HAUS7: variants seen among roughly 807,000 people sequenced by gnomAD.
The protein encoded by HAUS7 is HAUS augmin-like complex subunit 7.
HAUS7 carries 3 observed loss-of-function variants against 28.4 expected under a neutral mutation model. The ratio of observed to expected loss-of-function variants is 0.11; its 90% CI spans 0.05 to 0.27. The LOEUF is 0.27. HAUS7 is among the 10% of genes least tolerant of loss of function. The pLI is 1.00. For missense variants in HAUS7, 284 were observed against 297.3 expected, an observed-to-expected ratio of 0.96 and a Z score of 0.33; for synonymous variants, 165 against 132.1, an observed-to-expected ratio of 1.25 and a Z score of -1.71.
upstream of HAUS7, among the ~76,000 whole-genome samples, chrX:153,475,131 G>C (rs1291497978): frequency 1.8e-5 from 2 of 112,955 alleles, no homozygotes; most frequent in Non-Finnish European, 3.8e-5. Context: ...AGGGGATGGG[G>C]CGGGGCCGCT....
chrX:153,456,691 G>C lies in HAUS7; in HGVS notation c.447-40C>G, dbSNP rs200811857. On this transcript the variant is annotated intron_variant, in intron 5 of 9. Transcript: ENST00000370211. ...CCCAGGGCCACACCGTCACAGGCCA[G>C]AGCACTCGCCCAGCAGGCCCTCAGC... The C allele has an allele frequency of 1.1e-4, 124 of 1,085,786 alleles. No homozygotes were observed. In the East Asian group the frequency reaches 3.9e-3, roughly 34 times the overall value. The allele number at this position is 1,085,786 out of a possible 1,213,427, so 89.5% of individuals were successfully genotyped here. A position where few individuals can be genotyped will look rare whatever the true frequency, so the allele number is the denominator to read the frequency against.
At chrX:153,452,274 C>T (rs781834525) in intron 9 of HAUS7, among the ~76,000 whole-genome samples, 24 of 112,050 alleles carry the variant, frequency 2.1e-4, no homozygotes, top group African/African-American at 7.5e-4. Context: ...AAGGGTAGGC[C>T]TCCGGGATGG....
At chrX:153,466,760 T>C (rs141283982) in intron 2 of HAUS7, among the ~76,000 whole-genome samples, 1,346 of 112,321 alleles carry the variant, frequency 0.012, 9 homozygotes, top group Non-Finnish European at 0.021. Flanking sequence ...ACAGAAGTAC[T>C]ACAGGTTGAA....
chrX:153,459,318 C>T (rs1442962600), intron 4 of HAUS7, among the ~76,000 whole-genome samples: 1 of 112,355 alleles, frequency 8.9e-6, no homozygotes, highest in Non-Finnish European at 1.9e-5. Context: ...TGATTTACAA[C>T]TATTTACCGC....
chrX:153,484,809 G>A lies in HAUS7; in HGVS notation c.-589+10565C>T, dbSNP rs1244692844. Among the ~76,000 whole-genome samples, 11 of 113,169 alleles carry A rather than the reference G, an allele frequency of 9.7e-5. No homozygotes were observed. In the South Asian group the frequency reaches 1.4e-3, roughly 15 times the overall value. On this transcript the variant is annotated intron_variant, in intron 1 of 5. Transcript: ENST00000370210. The stretch of plus-strand genomic sequence containing the variant: ...CACGAGGCCTGGGCAGGGGGCTGGC[G>A]GCCAGTCAAGCCCCAGCTGCCTCAG...
chrX:153,486,191 C>A, intron 1 of HAUS7: 1 of 635,678 alleles, frequency 1.6e-6, no homozygotes, highest in Non-Finnish European at 2.1e-6. Flanking sequence ...GCCAGGAGGC[C>A]CTGCCTTCTG....
chrX:153,474,706 C>T (rs1358330160), upstream of HAUS7, among the ~76,000 whole-genome samples: 3 of 10,713 alleles, frequency 2.8e-4, no homozygotes, highest in Admixed American at 2.3e-3. Flanking sequence ...ACGGGAGAGG[C>T]GGGGGCGGGG....
chrX:153,450,265 C>T (rs928871572), intron 9 of HAUS7, among the ~76,000 whole-genome samples: 2 of 112,747 alleles, frequency 1.8e-5, no homozygotes, highest in African/African-American at 6.4e-5. Flanking sequence ...CATCAAGAGA[C>T]GAGCTGGGAG....
chrX:153,470,796 G>A, upstream of HAUS7: 1 of 456,771 alleles, frequency 2.2e-6, no homozygotes, highest in South Asian at 2.9e-5. Context: ...AAGGGGGCGG[G>A]GCGGACACAG....
intron 1 of HAUS7, among the ~76,000 whole-genome samples, chrX:153,491,753 A>AGGCTGCCCAG (rs1340190436): frequency 8.9e-6 from 1 of 112,910 alleles, no homozygotes; most frequent in Admixed American, 9.2e-5. Flanking sequence ...AAGCCTGAGC[A>AGGCTGCCCAG]GGCTGCCCAG....
chrX:153,466,518 G>T (rs1034979421), intron 2 of HAUS7, among the ~76,000 whole-genome samples: 4 of 112,131 alleles, frequency 3.6e-5, no homozygotes, highest in South Asian at 7.4e-4. Context: ...CCAACACTAG[G>T]TGCAGCTTCC....
At chrX:153,472,374 G>A (rs782379392), upstream of HAUS7, among the ~76,000 whole-genome samples, 181 of 110,523 alleles carry the variant, frequency 1.6e-3, 1 homozygote, top group African/African-American at 5.8e-3. Context: ...GGAGATGGTC[G>A]CTGAAGACCC....
chrX:153,456,699 G>C (rs782301106), intron 5 of HAUS7, 48 bp from the exon 6 acceptor site: 15 of 1,013,306 alleles, frequency 1.5e-5, no homozygotes, highest in Non-Finnish European at 2.0e-5. Flanking sequence ...CAGAGCACTC[G>C]CCCAGCAGGC....
chrX:153,481,023 C>T (rs2089596273), intron 1 of HAUS7: 1 of 753,148 alleles, frequency 1.3e-6, no homozygotes, highest in African/African-American at 2.3e-5. Flanking sequence ...CTGGCCAGGA[C>T]AGGCGGCCTT....
chrX:153,471,446 A>G (rs1252904170), upstream of HAUS7, among the ~76,000 whole-genome samples: 6 of 112,218 alleles, frequency 5.3e-5, no homozygotes, highest in Non-Finnish European at 7.5e-5. Context: ...AAATTTTTCT[A>G]CATCCCTCAG....
intron 2 of HAUS7, among the ~76,000 whole-genome samples, chrX:153,468,425 C>T (rs868918586): frequency 1.8e-5 from 2 of 112,556 alleles, no homozygotes; most frequent in African/African-American, 6.5e-5. Flanking sequence ...CTGTGGGAGG[C>T]GGGGAAAGCC....
At chrX:153,482,833 G>A in intron 1 of HAUS7, 3 of 656,095 alleles carry the variant, frequency 4.6e-6, no homozygotes, top group Non-Finnish European at 5.5e-6. Context: ...ACCGGAACCG[G>A]CTGCGGGCCA....
intron 1 of HAUS7, among the ~76,000 whole-genome samples, chrX:153,491,453 A>G (rs781973243): frequency 3.6e-5 from 4 of 112,644 alleles, no homozygotes; most frequent in Non-Finnish European, 7.5e-5. Flanking sequence ...CTGGCCAAGG[A>G]GATGGCAGCT....
At chrX:153,488,158 T>A (rs2089650116) in intron 1 of HAUS7, among the ~76,000 whole-genome samples, 1 of 112,954 alleles carries the variant, frequency 8.9e-6, no homozygotes. Context: ...TCCGTCCCTG[T>A]CCTCTGTCCC....
Sources: allele counts gnomAD v4.1 joint callset (sites outside exome capture counted in the v4.1 genomes callset), GRCh38; gene constraint gnomAD v4.1.1; transcripts MANE v1.5; gene names NCBI Gene and HGNC (gene_info 2026-07-23, HGNC 2026-07-21).